The following INPP4A variants were observed in gnomAD, a reference collection of about 807,000 sequenced individuals.
INPP4A encodes inositol polyphosphate-4-phosphatase type I A.
INPP4A carries 33 observed loss-of-function variants against 119.8 expected under a neutral mutation model. That is an observed-to-expected ratio of 0.28 (90% CI 0.21 to 0.37). The LOEUF is 0.37. INPP4A is among the 10% of genes least tolerant of loss of function. The pLI, the probability that INPP4A is intolerant of heterozygous loss-of-function variation, is 1.00. For synonymous variants in INPP4A, 496 were observed against 500.7 expected (o/e 0.99, Z 0.12); for missense variants, 956 against 1,289.9 (o/e 0.74, Z 3.97).
At chr2:98,514,741 C>T (rs1289932392) in intron 1 of INPP4A, among the ~76,000 whole-genome samples, 1 of 151,998 alleles carries the variant, frequency 6.6e-6, no homozygotes, top group Non-Finnish European at 1.5e-5. Context: ...CATAGTGAGA[C>T]CTCATCTCTA....
At chr2:98,463,343 T>C (rs1222703774) in intron 1 of INPP4A, among the ~76,000 whole-genome samples, 2 of 152,230 alleles carry the variant, frequency 1.3e-5, no homozygotes, top group African/African-American at 4.8e-5. Flanking sequence ...AGTGCTTGTG[T>C]GGAAGTCTAC....
intron 4 of INPP4A, among the ~76,000 whole-genome samples, chr2:98,530,696 AATC>A (rs1473574535): frequency 6.6e-6 from 1 of 152,216 alleles, no homozygotes; most frequent in African/African-American, 2.4e-5. Context: ...TTCAGCATAA[AATC>A]ATGAATTCTC....
chr2:98,515,169 T>G (rs1438696638), intron 1 of INPP4A, among the ~76,000 whole-genome samples: 1 of 152,228 alleles, frequency 6.6e-6, no homozygotes, highest in Non-Finnish European at 1.5e-5. Flanking sequence ...TTATTAATAG[T>G]AACTTTCAGT....
intron 1 of INPP4A, among the ~76,000 whole-genome samples, chr2:98,516,851 C>T (rs1382690028): frequency 1.3e-5 from 2 of 152,196 alleles, no homozygotes; most frequent in African/African-American, 4.8e-5. Context: ...CGCCTGCTGG[C>T]TGTCCCCTCT....
intron 7 of INPP4A, 127 bp downstream of exon 7, chr2:98,536,335 A>G: frequency 1.5e-6 from 1 of 660,236 alleles, no homozygotes; most frequent in South Asian, 1.8e-5. Flanking sequence ...CAGCGTGGGG[A>G]CACTGTGTTG....
intron 4 of INPP4A, among the ~76,000 whole-genome samples, chr2:98,527,006 A>C (rs1376543812): frequency 1.3e-5 from 2 of 152,182 alleles, no homozygotes; most frequent in East Asian, 3.9e-4. Flanking sequence ...ACCAGGCCCT[A>C]CCTCCAATAC....
intron 4 of INPP4A, chr2:98,521,739 C>T (rs1322507064): frequency 6.6e-6 from 1 of 152,154 alleles, no homozygotes; most frequent in Non-Finnish European, 1.5e-5. Flanking sequence ...TGAGATCAGC[C>T]TGGGCAACAT....
chr2:98,453,009 T>C (rs547024246), intron 1 of INPP4A, among the ~76,000 whole-genome samples: 1 of 152,366 alleles, frequency 6.6e-6, no homozygotes, highest in South Asian at 2.1e-4. Flanking sequence ...CCCAAGTGAC[T>C]ACTTTCAGTG....
At chr2:98,514,574 A>G (rs1345545761) in intron 1 of INPP4A, among the ~76,000 whole-genome samples, 2 of 152,022 alleles carry the variant, frequency 1.3e-5, no homozygotes, top group Admixed American at 6.6e-5. Context: ...TGGTAAATCA[A>G]TGGCCAGTGA....
chr2:98,488,949 G>T (rs1244434731), intron 1 of INPP4A, among the ~76,000 whole-genome samples: 1 of 149,540 alleles, frequency 6.7e-6, no homozygotes, highest in Non-Finnish European at 1.5e-5. Context: ...GTGTGTGTGT[G>T]TGTGTGTGTG....
rs1693876369 is a variant in INPP4A at position 98,444,864 on chromosome 2, A to AGCGGCGGCGGCTGGCTAGG, written c.-384_-366dup. 1 of 151,718 alleles carries AGCGGCGGCGGCTGGCTAGG rather than the reference A, an allele frequency of 6.6e-6. No individual in the cohort carries two copies. Among genetic ancestry groups the AGCGGCGGCGGCTGGCTAGG allele is most frequent in the Non-Finnish European group, 1.5e-5 (1 of 68,150 alleles). The allele number at this position is 151,718 out of a possible 1,614,324, so 9.4% of individuals were successfully genotyped here. A position where few individuals can be genotyped will look rare whatever the true frequency, so the allele number is the denominator to read the frequency against. On this transcript the variant is annotated 5_prime_UTR_variant, in exon 1 of 25. Coordinates refer to ENST00000409851, the MANE Select transcript of INPP4A (RefSeq NM_001134225.2). ...GGGCGGGGCTGCGCCCGGCGTCTAGAGCGGCGGCGGCTGGCTAGGGCTGCG... is the reference window on the plus strand; with the variant it reads ...GGGCGGGGCTGCGCCCGGCGTCTAGAGCGGCGGCGGCTGGCTAGGGCGGCGGCGGCTGGCTAGGGCTGCG...
intron 1 of INPP4A, among the ~76,000 whole-genome samples, chr2:98,479,581 A>G (rs939946266): frequency 1.3e-5 from 2 of 152,238 alleles, no homozygotes; most frequent in East Asian, 3.9e-4. Flanking sequence ...CACAGAACCC[A>G]CGTATAACCT....
chr2:98,504,953 G>A (rs1051328742), intron 1 of INPP4A, among the ~76,000 whole-genome samples: 1 of 152,204 alleles, frequency 6.6e-6, no homozygotes, highest in Non-Finnish European at 1.5e-5. Flanking sequence ...CTACAGCTTT[G>A]GCTGGCCTTG....
rs1182025129 is a variant in INPP4A at position 98,465,852 on chromosome 2, G to GGCGCAGTACTTGA, written c.-166+20770_-166+20782dup. Among the ~76,000 whole-genome samples the GGCGCAGTACTTGA allele has an allele frequency of 6.6e-5, 10 of 152,184 alleles. 1 individual carries two copies. Among genetic ancestry groups the GGCGCAGTACTTGA allele is most frequent in the Admixed American group, 2.6e-4 (4 of 15,286 alleles). On this transcript the variant is annotated intron_variant, in intron 1 of 24. Transcript: ENST00000409851. ...TTCCTCCCGGCTCCACCCTGGTTTC[G>GGCGCAGTACTTGA]GCGCAGTACTTGAGCAGACGGTGGC...
Position 98,591,255 on chromosome 2 carries a change from C to G in INPP4A, c.*3647C>G, listed in dbSNP as rs1402673886. On this transcript the variant is annotated 3_prime_UTR_variant, in exon 25 of 25. Transcript: ENST00000409851. ...TGCGTGCCCACGACGAGGGGCTGGA[C>G]TAAAGTGCTCACTGGCACCTTGCTT... 1 of 169,986 alleles carries G rather than the reference C, an allele frequency of 5.9e-6. No homozygotes were observed. The highest frequency in any genetic ancestry group is 1.3e-5 in the Non-Finnish European group (1 of 78,564). 10.5% of individuals were successfully genotyped at this position (169,986 alleles called of 1,614,324 possible). A position where few individuals can be genotyped will look rare whatever the true frequency, so the allele number is the denominator to read the frequency against.
intron 1 of INPP4A, among the ~76,000 whole-genome samples, chr2:98,447,365 C>CT (rs3835900): frequency 0.31 from 46,534 of 150,832 alleles, 7,477 homozygotes; most frequent in African/African-American, 0.4. Flanking sequence ...TTCGAAACGG[C>CT]TTTTTTTTTC....
chr2:98,528,531 A>G (rs1688594347), intron 4 of INPP4A, among the ~76,000 whole-genome samples: 1 of 152,220 alleles, frequency 6.6e-6, no homozygotes, highest in Non-Finnish European at 1.5e-5. Context: ...TTTGATGGAA[A>G]ACATGAATCT....
intron 1 of INPP4A, among the ~76,000 whole-genome samples, chr2:98,471,778 C>T (rs771038293): frequency 2.6e-5 from 4 of 152,188 alleles, no homozygotes; most frequent in East Asian, 1.9e-4. Context: ...CAGGAGTGCC[C>T]GAGAACCCCT....
At chr2:98,452,816 G>A (rs1695463222) in intron 1 of INPP4A, among the ~76,000 whole-genome samples, 1 of 152,204 alleles carries the variant, frequency 6.6e-6, no homozygotes, top group Non-Finnish European at 1.5e-5. Flanking sequence ...CAGGGATGGA[G>A]TCTACCTGGC....
Sources: allele counts gnomAD v4.1 joint callset (sites outside exome capture counted in the v4.1 genomes callset), GRCh38; gene constraint gnomAD v4.1.1; transcripts MANE v1.5; gene names NCBI Gene and HGNC (gene_info 2026-07-23, HGNC 2026-07-21).